WNK2: variants seen among roughly 807,000 people sequenced by gnomAD.
The protein encoded by WNK2 is serine/threonine-protein kinase WNK2.
WNK2 carries 67 observed loss-of-function variants against 192.1 expected under a neutral mutation model. The observed-to-expected ratio is 0.35, with a 90% CI of 0.29 to 0.43. WNK2 has a LOEUF of 0.43. WNK2 is among the 20% of genes least tolerant of loss of function. The probability of loss-of-function intolerance (pLI) is 1.00; values close to 1 mark genes in which losing one functional copy is unlikely to be tolerated. For synonymous variants in WNK2, 1,439 were observed against 1,393.9 expected, an observed-to-expected ratio of 1.03 and a Z score of -0.72; for missense variants, 2,698 against 3,089.7, an observed-to-expected ratio of 0.87 and a Z score of 3.01.
In WNK2 at chr9:93,289,970, T is replaced by C. The variant is rs186152102; in HGVS notation, c.4867-8T>C. 6.4e-7 allele frequency: 1 copy of C among 1,562,218 alleles called. No homozygotes were observed. Among genetic ancestry groups the C allele is most frequent in the Non-Finnish European group, 8.7e-7 (1 of 1,152,392 alleles). ...ACGGCTCTTCTCTTTTTGTGTTTCT[T>C]TCTCCAGGTGGAGAAGTCAGAACTG... On this transcript the variant is annotated splice_region_variant and splice_polypyrimidine_tract_variant and intron_variant, in intron 20 of 29. Coordinates refer to ENST00000427277, the MANE Select transcript of WNK2 (RefSeq NM_006648.4).
intron 5 of WNK2, among the ~76,000 whole-genome samples, chr9:93,237,407 C>T (rs993856404): frequency 2.0e-5 from 3 of 152,184 alleles, no homozygotes; most frequent in Non-Finnish European, 4.4e-5. Context: ...CAGGTTCACT[C>T]GTCTTTTTTC....
At position 93,218,932 on chromosome 9, in the gene WNK2, C is replaced by G. The variant is rs150349143; in HGVS notation, c.682-10764C>G. The stretch of plus-strand genomic sequence containing the variant: ...GGAGCCTGGATGTGACAGGTTGGCT[C>G]TCAGGACTCATGCAGGGCCAGGGCA... On this transcript the variant is annotated intron_variant, in intron 2 of 29. Coordinates refer to ENST00000427277, the MANE Select transcript of WNK2 (RefSeq NM_006648.4). 3.7e-3 allele frequency among the ~76,000 whole-genome samples: 562 copies of G among 152,330 alleles called. 3 individuals carry two copies. The highest frequency in any genetic ancestry group is 0.013 in the African/African-American group (547 of 41,580).
In WNK2 at chr9:93,308,484, C is replaced by T; in HGVS notation, c.6416C>T (p.Ala2139Val). ...VDEWTSKTVGAAQLKPTLNQL... is the reference protein window; with the variant it reads ...VDEWTSKTVGVAQLKPTLNQL... The stretch of plus-strand genomic sequence containing the variant: ...GAGTGGACGAGCAAGACGGTGGGGG[C>T]CGCGCAGCTGAAGCCCACGCTCAAC... Residue 2139 changes from alanine to valine, a missense_variant, in exon 28 of 30, where the codon GCC becomes GTC. Physicochemically the swap from Ala to Val is moderately conservative, Grantham distance 64. Around this residue, in one of 7 missense-constraint regions of WNK2, gnomAD observed 167 missense variants for 184.2 expected, o/e 0.91. Coordinates refer to ENST00000427277, the MANE Select transcript of WNK2 (RefSeq NM_006648.4). 6.2e-7 allele frequency: 1 copy of T among 1,608,778 alleles called. No individual in the cohort carries two copies. The highest frequency in any genetic ancestry group is 8.5e-7 in the Non-Finnish European group (1 of 1,178,178).
rs189305347 is a variant in WNK2, at chr9:93,196,283, C to T, written c.681+10673C>T. On this transcript the variant is annotated intron_variant, in intron 2 of 29. Coordinates refer to ENST00000427277, the MANE Select transcript of WNK2 (RefSeq NM_006648.4). ...CTGGGCACTGTGCGTGCTTGCTCTC[C>T]GGTGGGGGAGATGGGACAATTCTCA... 2.0e-3 allele frequency among the ~76,000 whole-genome samples: 306 copies of T among 152,204 alleles called. 3 individuals carry two copies. Among genetic ancestry groups the T allele is most frequent in the African/African-American group, 5.6e-3 (231 of 41,530 alleles).
At chr9:93,242,653 CTCTGG>C (rs1186302819) in intron 7 of WNK2, among the ~76,000 whole-genome samples, 1 of 152,222 alleles carries the variant, frequency 6.6e-6, no homozygotes, top group East Asian at 1.9e-4. Flanking sequence ...AAGAACATCT[CTCTGG>C]AGGCACCTGG....
At chr9:93,285,957 T>C (rs1365527531) in intron 19 of WNK2, among the ~76,000 whole-genome samples, 4 of 151,930 alleles carry the variant, frequency 2.6e-5, no homozygotes, top group African/African-American at 9.7e-5. Flanking sequence ...ACAGAAAGAG[T>C]TGGGATAGTA....
intron 4 of WNK2, 94 bp from the exon 5 acceptor site, chr9:93,234,714 G>A: frequency 6.9e-7 from 1 of 1,441,894 alleles, no homozygotes; most frequent in African/African-American, 1.4e-5. Flanking sequence ...AGGGGACATG[G>A]GGTTCTGGGC....
chr9:93,256,152 C>G lies in WNK2; in HGVS notation c.2035-147C>G. 2.9e-6 allele frequency: 3 copies of G among 1,022,910 alleles called. No homozygotes were observed. The South Asian group carries it at 6.7e-5, about 23-fold the overall frequency. 63.4% of individuals were successfully genotyped at this position (1,022,910 alleles called of 1,614,324 possible). A position where few individuals can be genotyped will look rare whatever the true frequency, so the allele number is the denominator to read the frequency against. ...TGTTGTGAATGATGCCCAGGGCTCC[C>G]TCACTGCTTCTGCTGTCATGTTCCT... On this transcript the variant is annotated intron_variant, in intron 9 of 29. Transcript: ENST00000427277.
intron 11 of WNK2, 59 bp from the exon 12 acceptor site, chr9:93,258,872 T>C: frequency 2.0e-6 from 3 of 1,474,972 alleles, no homozygotes; most frequent in Non-Finnish European, 2.8e-6. Context: ...TGCATGCAAG[T>C]GCTGTGGGCA....
intron 2 of WNK2, among the ~76,000 whole-genome samples, chr9:93,193,136 G>T (rs1299324662): frequency 1.3e-5 from 2 of 152,152 alleles, no homozygotes; most frequent in African/African-American, 4.8e-5. Flanking sequence ...GTGGTGGGAA[G>T]GGGGGTTTGG....
intron 5 of WNK2, 48 bp from the exon 6 acceptor site, chr9:93,238,185 C>A: frequency 1.3e-6 from 2 of 1,585,682 alleles, no homozygotes; most frequent in Non-Finnish European, 8.7e-7. Context: ...GGAGGCCTCG[C>A]CTTCCGGCAG....
intron 2 of WNK2, among the ~76,000 whole-genome samples, chr9:93,216,662 C>G (rs549857960): frequency 6.6e-6 from 1 of 151,694 alleles, no homozygotes; most frequent in African/African-American, 2.4e-5. Flanking sequence ...GGCGTGGTAG[C>G]GAGCACCTGT....
intron 29 of WNK2, chr9:93,318,436 G>A (rs1855106784): frequency 6.2e-7 from 1 of 1,614,120 alleles, no homozygotes; most frequent in Non-Finnish European, 8.5e-7. Flanking sequence ...GCTGGGGCAG[G>A]GCACACTGGC....
chr9:93,221,038 G>A (rs1010021598), intron 2 of WNK2, among the ~76,000 whole-genome samples: 4 of 152,224 alleles, frequency 2.6e-5, no homozygotes, highest in African/African-American at 7.2e-5. Context: ...CCACGATGGA[G>A]GGTATTGGGT....
chr9:93,244,177 C>A (rs1321414526), intron 7 of WNK2, among the ~76,000 whole-genome samples: 1 of 152,204 alleles, frequency 6.6e-6, no homozygotes, highest in African/African-American at 2.4e-5. Context: ...TCTGGAAGGA[C>A]CCCGAGGGTG....
At chr9:93,309,276 C>T (rs1039938736) in intron 28 of WNK2, 1 of 347,880 alleles carries the variant, frequency 2.9e-6, no homozygotes, top group Non-Finnish European at 4.0e-6. Flanking sequence ...ATTTATTTTT[C>T]AAACAGAAGA....
In WNK2 at chr9:93,263,343, A is replaced by C. The variant is rs1173977352; in HGVS notation, c.3411-223A>C. The C allele has an allele frequency of 3.5e-5, 21 of 597,534 alleles. No homozygotes were observed. The Admixed American group carries it at 6.2e-4, about 18-fold the overall frequency. 37.0% of individuals were successfully genotyped at this position (597,534 alleles called of 1,614,324 possible). ...GATCAAGGTAACGCAGCTAGTAGCT[A>C]GGAAGCCTGTGCTTCCTTCTGCCCG... On this transcript the variant is annotated intron_variant, in intron 14 of 29. Coordinates refer to ENST00000427277, the MANE Select transcript of WNK2 (RefSeq NM_006648.4).
At chr9:93,208,378 G>A (rs1587883575) in intron 2 of WNK2, among the ~76,000 whole-genome samples, 1 of 152,224 alleles carries the variant, frequency 6.6e-6, no homozygotes, top group African/African-American at 2.4e-5. Context: ...AAGGCTGAAA[G>A]GGAGGCCTCA....
Position 93,185,457 on chromosome 9 carries a change from G to T in WNK2, c.528G>T (p.Glu176Asp). The T allele has an allele frequency of 6.2e-7, 1 of 1,612,474 alleles. No homozygotes were observed. Among genetic ancestry groups the T allele is most frequent in the East Asian group, 2.2e-5 (1 of 44,860 alleles). ...GRTRRDEPEEEEDDEDDLKAV... is the reference protein window; with the variant it reads ...GRTRRDEPEEDEDDEDDLKAV... Reference sequence around the variant, plus strand: ...CTCGCCGGGACGAGCCCGAAGAGGAGGAGGACGACGAGGACGACCTCAAGG... The same window carrying T: ...CTCGCCGGGACGAGCCCGAAGAGGATGAGGACGACGAGGACGACCTCAAGG... The change falls in exon 2 of 30, where the codon GAG (glutamate) becomes GAT (aspartate). Residue 176 changes from glutamate to aspartate, a missense_variant. Physicochemically the swap from Glu to Asp is conservative, Grantham distance 45. Around this residue, in one of 7 missense-constraint regions of WNK2, gnomAD observed 260 missense variants for 285.6 expected, o/e 0.91. Transcript: ENST00000427277.
Sources: gnomAD v4.1 joint callset for allele counts (sites outside exome capture counted in the v4.1 genomes callset) on GRCh38, gnomAD v4.1.1 for gene constraint, gnomAD v4.1.1 regional missense constraint, MANE v1.5 for transcripts, NCBI Gene and HGNC (gene_info 2026-07-23, HGNC 2026-07-21) for gene names.